OR2L13: variants seen among roughly 807,000 people sequenced by gnomAD.
OR2L13 encodes the protein olfactory receptor family 2 subfamily L member 13, also known as olfactory receptor 2L13.
OR2L13 carries 14 observed loss-of-function variants against 15.3 expected under a neutral mutation model. The ratio of observed to expected loss-of-function variants is 0.91; its 90% CI spans 0.60 to 1.43. The LOEUF (loss-of-function observed/expected upper bound fraction) is 1.43, where lower values mean the gene tolerates loss of function less well. Among genes scored for constraint, OR2L13 ranks in the 40% most tolerant of loss-of-function variants. OR2L13 has a pLI of 0.00. For missense variants in OR2L13, 367 were observed against 387.9 expected (o/e 0.95, Z 0.45); for synonymous variants, 152 against 142.9 (o/e 1.06, Z -0.45).
At chr1:248,014,520 T>C in the OR2L13 span, among the ~76,000 whole-genome samples, 1 of 152,150 alleles carries the variant, frequency 6.6e-6, no homozygotes, top group African/African-American at 2.4e-5. Context: ...AGTGAAATAA[T>C]AGAAATATTA....
chr1:248,026,990 T>A, the OR2L13 span, among the ~76,000 whole-genome samples: 4 of 152,290 alleles, frequency 2.6e-5, no homozygotes, highest in South Asian at 6.2e-4. Flanking sequence ...ACAAGGGAGA[T>A]AACCTTAAAC....
chr1:247,972,589 C>T, the OR2L13 span, among the ~76,000 whole-genome samples: 3 of 151,858 alleles, frequency 2.0e-5, no homozygotes. Context: ...CCTAAATAGA[C>T]CAATAACAAG....
the OR2L13 span, among the ~76,000 whole-genome samples, chr1:248,077,671 C>T: frequency 0.15 from 22,794 of 151,886 alleles, 3,226 homozygotes; most frequent in African/African-American, 0.38. Flanking sequence ...AAAGACATGA[C>T]CCATGAAGAA....
At chr1:248,066,037 C>A in the OR2L13 span, among the ~76,000 whole-genome samples, 1 of 152,112 alleles carries the variant, frequency 6.6e-6, no homozygotes, top group Admixed American at 6.5e-5. Context: ...TAATAAACTA[C>A]CAGAATTAAC....
chr1:248,074,627 T>G, the OR2L13 span, among the ~76,000 whole-genome samples: 18 of 152,202 alleles, frequency 1.2e-4, no homozygotes, highest in African/African-American at 4.1e-4. Flanking sequence ...GGACACATGC[T>G]TGGTACAGAA....
chr1:247,979,404 A>C, the OR2L13 span, among the ~76,000 whole-genome samples: 2 of 152,174 alleles, frequency 1.3e-5, no homozygotes, highest in African/African-American at 4.8e-5. Context: ...GAGTGAGAAT[A>C]TGTGGTGTTT....
At chr1:247,976,406 C>T in the OR2L13 span, among the ~76,000 whole-genome samples, 2 of 152,192 alleles carry the variant, frequency 1.3e-5, no homozygotes, top group Non-Finnish European at 2.9e-5. Context: ...TATTTTTATA[C>T]CTGCTTAGGC....
the OR2L13 span, chr1:247,965,991 T>A: frequency 1.2e-6 from 2 of 1,612,064 alleles, no homozygotes; most frequent in Non-Finnish European, 1.7e-6. Flanking sequence ...GTGGACTTAT[T>A]ATCTTGCTAC....
the OR2L13 span, among the ~76,000 whole-genome samples, chr1:248,051,727 TA>T: frequency 1.3e-5 from 2 of 151,478 alleles, no homozygotes; most frequent in African/African-American, 2.4e-5. Flanking sequence ...ACTCCCTGAA[TA>T]AAAAAAAATC....
the OR2L13 span, chr1:248,022,090 T>A: frequency 1.2e-6 from 2 of 1,613,768 alleles, no homozygotes; most frequent in Non-Finnish European, 1.7e-6. Context: ...ATTCTTCTCA[T>A]CTTCTTGGAC....
chr1:248,087,157 T>A, the OR2L13 span, among the ~76,000 whole-genome samples: 1 of 152,100 alleles, frequency 6.6e-6, no homozygotes, highest in African/African-American at 2.4e-5. Flanking sequence ...CACAAGCTAT[T>A]GATATAACAT....
chr1:248,050,332 C>A, the OR2L13 span, among the ~76,000 whole-genome samples: 1 of 151,622 alleles, frequency 6.6e-6, no homozygotes, highest in Non-Finnish European at 1.5e-5. Flanking sequence ...ATAGCTAATT[C>A]TGTTAATACA....
chr1:248,095,503 G>GT (rs1476744889), upstream of OR2L13, among the ~76,000 whole-genome samples: 1 of 150,326 alleles, frequency 6.7e-6, no homozygotes, highest in Non-Finnish European at 1.5e-5. Context: ...GTGATATAAT[G>GT]TTATTGATAG....
chr1:248,094,580 T>G (rs1016731023), upstream of OR2L13, among the ~76,000 whole-genome samples: 3 of 152,218 alleles, frequency 2.0e-5, no homozygotes, highest in Admixed American at 2.0e-4. Context: ...ACTAGAGTAT[T>G]CTCTCTGACT....
At chr1:247,990,892 C>T in the OR2L13 span, 1 of 1,490,188 alleles carries the variant, frequency 6.7e-7, no homozygotes, top group Non-Finnish European at 9.4e-7. Context: ...TCTTGTGTTT[C>T]CCTTCATTTG....
chr1:247,985,657 T>C, the OR2L13 span, among the ~76,000 whole-genome samples: 1 of 152,156 alleles, frequency 6.6e-6, no homozygotes, highest in Non-Finnish European at 1.5e-5. Flanking sequence ...ATGGTATTTC[T>C]AGTTCTAGAC....
chr1:248,034,120 A>G, the OR2L13 span, among the ~76,000 whole-genome samples: 33 of 152,342 alleles, frequency 2.2e-4, no homozygotes, highest in African/African-American at 6.7e-4. Context: ...AGAGAACTCT[A>G]TAAGGAAAAC....
chr1:247,992,281 T>C, the OR2L13 span, among the ~76,000 whole-genome samples: 5 of 151,968 alleles, frequency 3.3e-5, no homozygotes, highest in South Asian at 2.1e-4. Flanking sequence ...ACATATAAGA[T>C]ACAAAGTGTG....
the OR2L13 span, among the ~76,000 whole-genome samples, chr1:247,998,889 CAG>C: frequency 1.3e-5 from 2 of 151,740 alleles, no homozygotes; most frequent in African/African-American, 4.9e-5. Flanking sequence ...AACAACCACG[CAG>C]AGTTTTTGTG....
Sources: allele counts gnomAD v4.1 joint callset (sites outside exome capture counted in the v4.1 genomes callset), GRCh38; gene constraint gnomAD v4.1.1; transcripts MANE v1.5; gene names NCBI Gene and HGNC (gene_info 2026-07-23, HGNC 2026-07-21).